Variants in PRKCE observed in about 807,000 individuals in gnomAD.
PRKCE encodes protein kinase C epsilon type.
In PRKCE, 16 loss-of-function variants were observed where a neutral mutation model predicts 85.4. The ratio of observed to expected loss-of-function variants is 0.19; its 90% CI spans 0.13 to 0.28. The LOEUF is 0.28. Ranked by LOEUF, PRKCE falls within the 10% of genes least tolerant of loss-of-function variation. PRKCE has a pLI of 1.00. For synonymous variants in PRKCE, 388 were observed against 371.5 expected (o/e 1.04, Z -0.51); for missense variants, 573 against 975.2 (o/e 0.59, Z 5.49).
chr2:45,662,097 G>A (rs1235426447), intron 1 of PRKCE, among the ~76,000 whole-genome samples: 2 of 152,154 alleles, frequency 1.3e-5, no homozygotes, highest in African/African-American at 4.8e-5. Flanking sequence ...GACTGACTGA[G>A]TCTGTGCTCT....
intron 14 of PRKCE, among the ~76,000 whole-genome samples, chr2:46,169,936 A>C (rs985878539): frequency 2.6e-5 from 4 of 152,222 alleles, no homozygotes; most frequent in African/African-American, 9.6e-5. Flanking sequence ...ACTGTCTGTG[A>C]GATGCTGAGA....
intron 9 of PRKCE, among the ~76,000 whole-genome samples, chr2:46,008,010 C>T (rs1361902686): frequency 6.6e-6 from 1 of 152,192 alleles, no homozygotes. Context: ...TGTCTTCCCT[C>T]CTTCAGAGAT....
Position 45,875,190 on chromosome 2 carries a change from C to T in PRKCE, c.412+32127C>T, listed in dbSNP as rs557548966. Among the ~76,000 whole-genome samples the T allele has an allele frequency of 2.6e-5, 4 of 152,244 alleles. No individual in the cohort carries two copies. The East Asian group carries it at 7.7e-4, about 29-fold the overall frequency. The stretch of plus-strand genomic sequence containing the variant: ...GACTCGGAGTGAAAATATTGCAGTG[C>T]AGTCTGGGAGAAGAGAACCAAATGA... On this transcript the variant is annotated intron_variant, in intron 2 of 14. Transcript: ENST00000306156.
chr2:46,142,638 C>G (rs972048247), intron 11 of PRKCE, among the ~76,000 whole-genome samples: 3 of 152,192 alleles, frequency 2.0e-5, no homozygotes, highest in African/African-American at 7.2e-5. Flanking sequence ...GGCAGCCACC[C>G]TGGACCACCT....
chr2:45,873,590 A>G (rs1694258446), intron 2 of PRKCE, among the ~76,000 whole-genome samples: 1 of 152,158 alleles, frequency 6.6e-6, no homozygotes, highest in Non-Finnish European at 1.5e-5. Flanking sequence ...AGAATCCTGT[A>G]TTCCTTTTTG....
At chr2:46,137,757 CAAA>C (rs542034194) in intron 11 of PRKCE, among the ~76,000 whole-genome samples, 1 of 118,718 alleles carries the variant, frequency 8.4e-6, no homozygotes. Flanking sequence ...GACCCTGTCT[CAAA>C]AAAAAAAAAA....
At chr2:46,183,568 C>A (rs1680203751) in intron 14 of PRKCE, among the ~76,000 whole-genome samples, 1 of 152,154 alleles carries the variant, frequency 6.6e-6, no homozygotes, top group Non-Finnish European at 1.5e-5. Context: ...GAGAGGGGAC[C>A]TGCTATTGAA....
rs188390112 is a variant in PRKCE, at chr2:45,978,831, C to A, written c.573-145C>A. Reference sequence around the variant, plus strand: ...GGAAGGAGACATTTAAGGCACCTTGCAAGTGAGAGAGAAATTACAATATTC... The same window carrying A: ...GGAAGGAGACATTTAAGGCACCTTGAAAGTGAGAGAGAAATTACAATATTC... On this transcript the variant is annotated intron_variant, in intron 3 of 14. Coordinates refer to ENST00000306156, the MANE Select transcript of PRKCE (RefSeq NM_005400.3). The A allele has an allele frequency of 5.7e-5, 38 of 671,420 alleles. No homozygotes were observed. In the East Asian group the frequency reaches 9.3e-4, roughly 16 times the overall value. 41.6% of individuals were successfully genotyped at this position (671,420 alleles called of 1,614,324 possible).
chr2:45,704,991 G>A (rs1041431939), intron 1 of PRKCE, among the ~76,000 whole-genome samples: 1 of 152,154 alleles, frequency 6.6e-6, no homozygotes. Flanking sequence ...GAGCCTGAAT[G>A]GTCCCCTCTT....
chr2:45,797,593 C>G (rs900797555), intron 1 of PRKCE, among the ~76,000 whole-genome samples: 5 of 152,254 alleles, frequency 3.3e-5, no homozygotes, highest in African/African-American at 9.6e-5. Context: ...GCCAACCCCA[C>G]TGAAGCTCTG....
At position 45,907,534 on chromosome 2, in the gene PRKCE, C is replaced by T. The variant is rs1205391126; in HGVS notation, c.412+64471C>T. Among the ~76,000 whole-genome samples, 1 of 152,232 alleles carries T rather than the reference C, an allele frequency of 6.6e-6. No individual in the cohort carries two copies. Among genetic ancestry groups the T allele is most frequent in the Non-Finnish European group, 1.5e-5 (1 of 68,050 alleles). ...GCGTCATCGCAGGCCCTGTTCATCT[C>T]TCCGGGCAGTGGCATAGCAGGCAGT... is the stretch of plus-strand genomic sequence containing the variant. On this transcript the variant is annotated intron_variant, in intron 2 of 14. Transcript: ENST00000306156. This position sits in a 1 kb window ranked among gnomAD's most constrained non-coding sequence, Gnocchi z 4.5.
intron 11 of PRKCE, among the ~76,000 whole-genome samples, chr2:46,110,439 A>T (rs1406150244): frequency 1.3e-5 from 2 of 152,196 alleles, no homozygotes. Flanking sequence ...TCTTTCACAG[A>T]ATTGGCCCAT....
chr2:45,711,784 C>T (rs1679662568), intron 1 of PRKCE, among the ~76,000 whole-genome samples: 1 of 152,088 alleles, frequency 6.6e-6, no homozygotes, highest in Admixed American at 6.6e-5. Flanking sequence ...GCGACCATGC[C>T]CAGCTAATTT....
intron 2 of PRKCE, among the ~76,000 whole-genome samples, chr2:45,939,412 A>G (rs1699717108): frequency 6.6e-6 from 1 of 152,120 alleles, no homozygotes; most frequent in African/African-American, 2.4e-5. Flanking sequence ...TTGCTCTTTC[A>G]TCATTTCATA....
intron 11 of PRKCE, among the ~76,000 whole-genome samples, chr2:46,098,109 G>A (rs767854586): frequency 2.0e-5 from 3 of 152,158 alleles, no homozygotes; most frequent in Non-Finnish European, 4.4e-5. Context: ...TGTGTTCAGA[G>A]CAAAAATTAT....
chr2:45,713,958 C>A (rs984876814), intron 1 of PRKCE, among the ~76,000 whole-genome samples: 1 of 152,198 alleles, frequency 6.6e-6, no homozygotes, highest in African/African-American at 2.4e-5. Context: ...TCCTTCAACC[C>A]CCACACCTCC....
Position 46,159,494 on chromosome 2 carries a change from G to T in PRKCE, c.1921-112G>T. ...GTGGCCCTTGAAAGTGCAAAGAACA[G>T]ACTTGGGAGGCGATGCTGAAGATGC... On this transcript the variant is annotated intron_variant, in intron 13 of 14. Transcript: ENST00000306156. This position sits in a 1 kb window ranked among gnomAD's most constrained non-coding sequence, Gnocchi z 4.1. 4.2e-6 allele frequency: 5 copies of T among 1,181,222 alleles called. No individual in the cohort carries two copies. Among genetic ancestry groups the T allele is most frequent in the Non-Finnish European group, 5.8e-6 (5 of 859,454 alleles). 73.2% of individuals were successfully genotyped at this position (1,181,222 alleles called of 1,614,324 possible).
At chr2:45,904,148 CCCT>C (rs1696795717) in intron 2 of PRKCE, among the ~76,000 whole-genome samples, 1 of 151,994 alleles carries the variant, frequency 6.6e-6, no homozygotes, top group Admixed American at 6.6e-5. Context: ...AAGTGATCTG[CCCT>C]CCTCGGCCTC....
chr2:45,741,857 C>T (rs1298100973), intron 1 of PRKCE, among the ~76,000 whole-genome samples: 2 of 152,318 alleles, frequency 1.3e-5, no homozygotes, highest in East Asian at 3.9e-4. Flanking sequence ...TGGAGAGCTA[C>T]CAGAAGGCCA....
Sources: allele counts gnomAD v4.1 joint callset (sites outside exome capture counted in the v4.1 genomes callset), GRCh38; gene constraint gnomAD v4.1.1; non-coding constraint Gnocchi (gnomAD v3.1); transcripts MANE v1.5; gene names NCBI Gene and HGNC (gene_info 2026-07-23, HGNC 2026-07-21).